Variants in KIAA2012 observed in about 807,000 individuals in gnomAD.
KIAA2012 encodes KIAA2012, also known as uncharacterized protein KIAA2012.
In KIAA2012, 125 loss-of-function variants were observed where a neutral mutation model predicts 150.6. That is an observed-to-expected ratio of 0.83 (90% CI 0.72 to 0.96). KIAA2012 has a LOEUF of 0.96. Ranked by LOEUF, KIAA2012 falls within the 40% of genes least tolerant of loss-of-function variation. KIAA2012 has a pLI of 0.00. For synonymous variants in KIAA2012, 462 were observed against 504.7 expected, an observed-to-expected ratio of 0.92 and a Z score of 1.13; for missense variants, 1,219 against 1,354.9, an observed-to-expected ratio of 0.90 and a Z score of 1.57.
chr2:202,202,419 G>T lies in KIAA2012; in HGVS notation c.3408-10G>T, dbSNP rs1692548943. On this transcript the variant is annotated splice_polypyrimidine_tract_variant and intron_variant, in intron 22 of 23. Coordinates refer to ENST00000498697, the MANE Select transcript of KIAA2012 (RefSeq NM_001277372.4). ...CATTATTGGAATTGGGGGTGGGGTT[G>T]TCTCCTTAGGCAAAAAGCTGCTTTG... The T allele has an allele frequency of 7.5e-6, 3 of 399,624 alleles. No homozygotes were observed. The East Asian group carries it at 1.1e-4, about 14-fold the overall frequency. The allele number at this position is 399,624 out of a possible 1,614,324, so 24.8% of individuals were successfully genotyped here. A position where few individuals can be genotyped will look rare whatever the true frequency, so the allele number is the denominator to read the frequency against.
At chr2:202,163,340 G>A (rs1691695713) in intron 14 of KIAA2012, among the ~76,000 whole-genome samples, 1 of 151,936 alleles carries the variant, frequency 6.6e-6, no homozygotes, top group Admixed American at 6.6e-5. Context: ...CTGACCTCAT[G>A]ATCTGCCCAC....
chr2:202,173,361 G>C (rs1410854697), intron 15 of KIAA2012, among the ~76,000 whole-genome samples: 1 of 152,138 alleles, frequency 6.6e-6, no homozygotes, highest in Non-Finnish European at 1.5e-5. Flanking sequence ...CCTGAGGCTG[G>C]GACTTCGAGA....
At chr2:202,192,453 T>TC (rs1491181354) in intron 19 of KIAA2012, among the ~76,000 whole-genome samples, 2 of 147,588 alleles carry the variant, frequency 1.4e-5, no homozygotes, top group Non-Finnish European at 3.0e-5. Context: ...TAAAATAGCT[T>TC]CTTTTTTTTT....
intron 14 of KIAA2012, 109 bp from the exon 15 acceptor site, chr2:202,165,175 C>A: frequency 9.9e-7 from 1 of 1,008,220 alleles, no homozygotes; most frequent in Non-Finnish European, 1.5e-6. Flanking sequence ...GAAGAAACCA[C>A]TAAGAAAACT....
chr2:202,199,690 A>G (rs1354893208), intron 22 of KIAA2012, among the ~76,000 whole-genome samples: 1 of 152,102 alleles, frequency 6.6e-6, no homozygotes, highest in Non-Finnish European at 1.5e-5. Flanking sequence ...GGATCCCTGA[A>G]ATATTCTTAA....
At chr2:202,100,687 T>C (rs1690020541) in intron 7 of KIAA2012, among the ~76,000 whole-genome samples, 1 of 152,228 alleles carries the variant, frequency 6.6e-6, no homozygotes, top group Non-Finnish European at 1.5e-5. Flanking sequence ...AAGCATGTGT[T>C]ATTACCACAC....
chr2:202,138,258 A>G (rs1220680252), intron 12 of KIAA2012, 174 bp from the exon 13 acceptor site: 1 of 585,428 alleles, frequency 1.7e-6, no homozygotes, highest in East Asian at 2.9e-5. Flanking sequence ...GGCTATGCCT[A>G]TAGAGGTTAC....
intron 17 of KIAA2012, 42 bp downstream of exon 17, chr2:202,187,140 T>G (rs1692244756): frequency 6.5e-7 from 1 of 1,541,410 alleles, no homozygotes; most frequent in African/African-American, 1.4e-5. Context: ...AAGCCCTACT[T>G]GGATCTCATC....
intron 9 of KIAA2012, among the ~76,000 whole-genome samples, chr2:202,107,650 A>G (rs1036559101): frequency 3.3e-5 from 5 of 152,254 alleles, no homozygotes; most frequent in Non-Finnish European, 5.9e-5. Flanking sequence ...TGGTTTAAGA[A>G]GCCCCTTGGT....
chr2:202,173,735 G>T (rs924028516), intron 15 of KIAA2012, among the ~76,000 whole-genome samples: 2 of 152,122 alleles, frequency 1.3e-5, no homozygotes, highest in African/African-American at 2.4e-5. Flanking sequence ...TTCAAAGAGG[G>T]TCTAACATAT....
intron 21 of KIAA2012, 138 bp from the exon 22 acceptor site, chr2:202,196,662 T>G: frequency 9.7e-7 from 1 of 1,033,192 alleles, no homozygotes; most frequent in Non-Finnish European, 1.4e-6. Context: ...CCAGAGAGGA[T>G]CTGGCAGCCT....
intron 12 of KIAA2012, 30 bp from the exon 13 acceptor site, chr2:202,138,402 A>G: frequency 6.6e-7 from 1 of 1,522,036 alleles, no homozygotes; most frequent in Non-Finnish European, 8.9e-7. Flanking sequence ...GACCACCTTG[A>G]TCTTTTTTCC....
intron 22 of KIAA2012, among the ~76,000 whole-genome samples, chr2:202,198,529 G>A (rs1327576143): frequency 1.3e-5 from 2 of 152,194 alleles, no homozygotes; most frequent in African/African-American, 4.8e-5. Flanking sequence ...TCCAGGGCCA[G>A]GGGAATTTTC....
chr2:202,140,611 G>A (rs779416374), intron 13 of KIAA2012, among the ~76,000 whole-genome samples: 4 of 152,282 alleles, frequency 2.6e-5, no homozygotes, highest in Non-Finnish European at 4.4e-5. Flanking sequence ...CGAGGCTAAT[G>A]GCCTCTTATT....
chr2:202,133,130 A>ATATATATATATATTTTTTTTTTTT (rs1279080237), intron 12 of KIAA2012, among the ~76,000 whole-genome samples: 2 of 67,788 alleles, frequency 3.0e-5, no homozygotes, highest in Non-Finnish European at 5.8e-5. Context: ...ATATATATAT[A>ATATATATATATATTTTTTTTTTTT]TTTTTTTTTT....
intron 15 of KIAA2012, among the ~76,000 whole-genome samples, chr2:202,175,359 T>C (rs1691970327): frequency 1.3e-5 from 2 of 152,224 alleles, no homozygotes; most frequent in African/African-American, 4.8e-5. Flanking sequence ...AGAACATGAT[T>C]AGCTGATATT....
At chr2:202,190,604 C>A (rs1559233689) in intron 19 of KIAA2012, 111 bp downstream of exon 19, 1 of 791,726 alleles carries the variant, frequency 1.3e-6, no homozygotes, top group Non-Finnish European at 2.0e-6. Context: ...AACAGCTCGA[C>A]CACCTAATGG....
intron 18 of KIAA2012, 69 bp from the exon 19 acceptor site, chr2:202,190,105 A>G (rs1692298302): frequency 7.7e-7 from 1 of 1,295,692 alleles, no homozygotes. Context: ...AAAAGTTACT[A>G]AAAAGGATGT....
chr2:202,094,621 G>C (rs1432856923), intron 4 of KIAA2012, among the ~76,000 whole-genome samples: 2 of 152,036 alleles, frequency 1.3e-5, no homozygotes, highest in Non-Finnish European at 2.9e-5. Context: ...CTGGGCTCAA[G>C]CAATCCTCCC....
Sources: allele counts gnomAD v4.1 joint callset (sites outside exome capture counted in the v4.1 genomes callset), GRCh38; gene constraint gnomAD v4.1.1; transcripts MANE v1.5; gene names NCBI Gene and HGNC (gene_info 2026-07-23, HGNC 2026-07-21).